The following ADAMTS3 variants were observed in gnomAD, a reference collection of about 807,000 sequenced individuals.
The protein encoded by ADAMTS3 is A disintegrin and metalloproteinase with thrombospondin motifs 3.
Under a neutral mutation model 129.0 loss-of-function variants are expected in ADAMTS3, and 73 were observed. That is an observed-to-expected ratio of 0.57 (90% CI 0.47 to 0.69). The LOEUF (loss-of-function observed/expected upper bound fraction) is 0.69, where lower values mean the gene tolerates loss of function less well. ADAMTS3 is among the 30% of genes least tolerant of loss of function. The pLI is 0.00. For missense variants in ADAMTS3, 1,457 were observed against 1,514.5 expected, an observed-to-expected ratio of 0.96 and a Z score of 0.63; for synonymous variants, 477 against 510.8, an observed-to-expected ratio of 0.93 and a Z score of 0.89.
At chr4:72,366,210 T>C (rs960995404) in intron 4 of ADAMTS3, among the ~76,000 whole-genome samples, 5 of 152,226 alleles carry the variant, frequency 3.3e-5, no homozygotes, top group Non-Finnish European at 7.3e-5. Context: ...TCTCTATTCT[T>C]CCATTTAACC....
chr4:72,434,511 G>T (rs2109951280), intron 3 of ADAMTS3, among the ~76,000 whole-genome samples: 1 of 151,780 alleles, frequency 6.6e-6, no homozygotes, highest in Admixed American at 6.6e-5. Flanking sequence ...AACCTCTGAG[G>T]TTGGGTCTTG....
intron 4 of ADAMTS3, among the ~76,000 whole-genome samples, chr4:72,344,367 C>G (rs982219500): frequency 6.6e-6 from 1 of 151,842 alleles, no homozygotes; most frequent in East Asian, 1.9e-4. Flanking sequence ...GGACAGGAGA[C>G]GAAGGTAAAA....
chr4:72,493,392 C>T (rs1188418723), intron 3 of ADAMTS3, among the ~76,000 whole-genome samples: 1 of 151,858 alleles, frequency 6.6e-6, no homozygotes, highest in Non-Finnish European at 1.5e-5. Context: ...CTATTACACG[C>T]TTTTTCTTTG....
chr4:72,468,751 GAA>G (rs35596972), intron 3 of ADAMTS3, among the ~76,000 whole-genome samples: 1 of 148,356 alleles, frequency 6.7e-6, no homozygotes, highest in Non-Finnish European at 1.5e-5. Context: ...CATGTATTAT[GAA>G]AAAAAAAACG....
intron 4 of ADAMTS3, among the ~76,000 whole-genome samples, chr4:72,373,806 G>A (rs13120274): frequency 0.18 from 27,390 of 151,498 alleles, 3,233 homozygotes; most frequent in East Asian, 0.45. Flanking sequence ...AGGCTAAGGT[G>A]GGAGGATAAC....
chr4:72,434,478 C>T (rs1722772605), intron 3 of ADAMTS3, among the ~76,000 whole-genome samples: 1 of 151,700 alleles, frequency 6.6e-6, no homozygotes, highest in East Asian at 2.0e-4. Flanking sequence ...TTCTGGAGCT[C>T]CACTGTAGAC....
chr4:72,330,977 T>C (rs10938016), intron 5 of ADAMTS3, among the ~76,000 whole-genome samples: 150,204 of 152,260 alleles, frequency 0.99, 74,113 homozygotes, highest in Non-Finnish European at 1. Context: ...AATACAAAGG[T>C]TGTAACAAAG....
intron 5 of ADAMTS3, among the ~76,000 whole-genome samples, chr4:72,326,821 C>A (rs1254088000): frequency 6.6e-6 from 1 of 152,140 alleles, no homozygotes; most frequent in Admixed American, 6.6e-5. Flanking sequence ...TGTTAAATCT[C>A]AATCTCAATG....
intron 4 of ADAMTS3, among the ~76,000 whole-genome samples, chr4:72,383,173 G>A (rs144380892): frequency 2.0e-5 from 3 of 151,470 alleles, no homozygotes; most frequent in Non-Finnish European, 4.4e-5. Context: ...AATGACAGCA[G>A]TTCACTTCTG....
intron 3 of ADAMTS3, among the ~76,000 whole-genome samples, chr4:72,471,785 T>G (rs1719081235): frequency 2.0e-5 from 3 of 152,042 alleles, no homozygotes; most frequent in Non-Finnish European, 2.9e-5. Context: ...CTGTAAAAAT[T>G]AATAAATCAA....
chr4:72,304,151 A>G, intron 16 of ADAMTS3, 71 bp from the exon 17 acceptor site: 2 of 1,405,916 alleles, frequency 1.4e-6, no homozygotes, highest in Admixed American at 1.9e-5. Context: ...ATTCACAGCA[A>G]GTATATCCTT....
At chr4:72,386,529 C>A (rs918490142) in intron 4 of ADAMTS3, among the ~76,000 whole-genome samples, 1 of 151,932 alleles carries the variant, frequency 6.6e-6, no homozygotes. Flanking sequence ...ACATCTAAAT[C>A]ATATCTAATT....
At chr4:72,457,441 G>A (rs896960323) in intron 3 of ADAMTS3, among the ~76,000 whole-genome samples, 6 of 151,656 alleles carry the variant, frequency 4.0e-5, no homozygotes, top group African/African-American at 1.5e-4. Context: ...GATATTACAT[G>A]ATTCTTTGAA....
At chr4:72,366,841 T>A (rs1720881149) in intron 4 of ADAMTS3, among the ~76,000 whole-genome samples, 1 of 151,934 alleles carries the variant, frequency 6.6e-6, no homozygotes, top group Admixed American at 6.6e-5. Flanking sequence ...CTTAGGGGAA[T>A]AAGGAAAGTC....
At chr4:72,551,804 G>GA (rs1418280305) in intron 2 of ADAMTS3, among the ~76,000 whole-genome samples, 1 of 152,158 alleles carries the variant, frequency 6.6e-6, no homozygotes, top group Non-Finnish European at 1.5e-5. Context: ...TTTTGACTCT[G>GA]AAGACCATGC....
intron 3 of ADAMTS3, among the ~76,000 whole-genome samples, chr4:72,433,819 C>T (rs540609274): frequency 6.6e-6 from 1 of 151,804 alleles, no homozygotes; most frequent in East Asian, 2.0e-4. Context: ...GTTACATATG[C>T]TAGCTGATCA....
intron 3 of ADAMTS3, among the ~76,000 whole-genome samples, chr4:72,521,654 T>A (rs913038770): frequency 1.3e-5 from 2 of 152,278 alleles, no homozygotes; most frequent in Middle Eastern, 3.4e-3. Context: ...TGACTATTTA[T>A]TATATTATAC....
chr4:72,526,374 A>C (rs1214310073), intron 3 of ADAMTS3, among the ~76,000 whole-genome samples: 1 of 152,152 alleles, frequency 6.6e-6, no homozygotes, highest in Non-Finnish European at 1.5e-5. Context: ...CAAATTTGAT[A>C]GAAAACAGCT....
At position 72,455,767 on chromosome 4, in the gene ADAMTS3, T is replaced by A. The variant is rs540884458; in HGVS notation, c.505-40796A>T. 1.9e-3 allele frequency among the ~76,000 whole-genome samples: 269 copies of A among 141,248 alleles called. 1 individual carries two copies. Among genetic ancestry groups the A allele is most frequent in the African/African-American group, 6.7e-3 (253 of 37,962 alleles). The allele number at this position is 141,248 out of a possible 152,430, so 92.7% of individuals were successfully genotyped here. On this transcript the variant is annotated intron_variant, in intron 3 of 21. Coordinates refer to ENST00000286657, the MANE Select transcript of ADAMTS3 (RefSeq NM_014243.3). The stretch of plus-strand genomic sequence containing the variant: ...ATTTTTTTCTCAGACTAAAGAAATA[T>A]TCACCATTGTAACTACTTATATATA...
Sources: allele counts gnomAD v4.1 joint callset (sites outside exome capture counted in the v4.1 genomes callset), GRCh38; gene constraint gnomAD v4.1.1; transcripts MANE v1.5; gene names NCBI Gene and HGNC (gene_info 2026-07-23, HGNC 2026-07-21).